The following BCAS4 variants were observed in gnomAD, a reference collection of about 807,000 sequenced individuals.
BCAS4 encodes breast carcinoma amplified sequence 4.
In BCAS4, 9 loss-of-function variants were observed where a neutral mutation model predicts 15.7. The ratio of observed to expected loss-of-function variants is 0.57; its 90% CI spans 0.34 to 1.00. BCAS4 has a LOEUF of 1.00. Ranked by LOEUF, BCAS4 falls within the 50% of genes least tolerant of loss-of-function variation. BCAS4 has a pLI of 0.02. For missense variants in BCAS4, 225 were observed against 239.1 expected (o/e 0.94, Z 0.39); for synonymous variants, 101 against 99.5 (o/e 1.02, Z -0.09).
At chr20:50,840,052 T>G (rs1357569265) in intron 3 of BCAS4, among the ~76,000 whole-genome samples, 1 of 152,022 alleles carries the variant, frequency 6.6e-6, no homozygotes, top group South Asian at 2.1e-4. Context: ...TTTTTCAATT[T>G]TTTGTAGAGA....
At chr20:50,864,369 G>A (rs1256282192) in intron 4 of BCAS4, among the ~76,000 whole-genome samples, 1 of 151,892 alleles carries the variant, frequency 6.6e-6, no homozygotes, top group Non-Finnish European at 1.5e-5. Context: ...CCCTGCAGAG[G>A]ATTGTTGTGT....
chr20:50,852,477 G>A (rs1011121637), intron 4 of BCAS4, among the ~76,000 whole-genome samples: 3 of 152,090 alleles, frequency 2.0e-5, no homozygotes, highest in Admixed American at 6.6e-5. Context: ...TTCCTCCCAC[G>A]CTCAAGCAGT....
At chr20:50,856,582 C>T (rs1019547084) in intron 4 of BCAS4, among the ~76,000 whole-genome samples, 6 of 152,246 alleles carry the variant, frequency 3.9e-5, no homozygotes, top group African/African-American at 1.4e-4. Flanking sequence ...CTTCCAGCCT[C>T]CTTGTCCCTT....
intron 3 of BCAS4, among the ~76,000 whole-genome samples, chr20:50,841,373 A>G (rs1360991689): frequency 6.6e-6 from 1 of 152,238 alleles, no homozygotes; most frequent in Admixed American, 6.5e-5. Flanking sequence ...GGCTATTTCT[A>G]TAAAATCAAC....
intron 4 of BCAS4, among the ~76,000 whole-genome samples, chr20:50,874,693 T>G (rs1266628274): frequency 6.6e-6 from 1 of 151,800 alleles, no homozygotes; most frequent in Admixed American, 6.6e-5. Flanking sequence ...AACTCCTGAG[T>G]CTTGATCTCC....
downstream of BCAS4, chr20:50,879,668 GA>G (rs1467277598): frequency 6.6e-6 from 1 of 152,242 alleles, no homozygotes; most frequent in East Asian, 1.9e-4. Context: ...GGGAGAGTTG[GA>G]AGGAAATCCC....
intron 2 of BCAS4, among the ~76,000 whole-genome samples, chr20:50,819,054 G>A (rs537070877): frequency 6.6e-6 from 1 of 152,114 alleles, no homozygotes; most frequent in Admixed American, 6.5e-5. Flanking sequence ...GTGGTGGCAG[G>A]CGCCTGTAAT....
intron 1 of BCAS4, among the ~76,000 whole-genome samples, chr20:50,812,002 G>A (rs1287305227): frequency 6.6e-6 from 1 of 152,176 alleles, no homozygotes; most frequent in Non-Finnish European, 1.5e-5. Context: ...ATGTTTTCAA[G>A]GATCATCCAT....
intron 4 of BCAS4, among the ~76,000 whole-genome samples, chr20:50,866,922 A>G (rs1037555789): frequency 3.3e-5 from 5 of 152,102 alleles, no homozygotes; most frequent in African/African-American, 1.2e-4. Flanking sequence ...GTGACCTTTC[A>G]GGTCCCATCG....
chr20:50,842,937 C>T (rs1057017737), intron 4 of BCAS4, among the ~76,000 whole-genome samples: 3 of 152,154 alleles, frequency 2.0e-5, no homozygotes, highest in Non-Finnish European at 4.4e-5. Flanking sequence ...ACCTTATCTC[C>T]ACTTTATCAC....
Position 50,854,986 on chromosome 20 carries a change from G to A in BCAS4, c.399+13086G>A, listed in dbSNP as rs7266418. 3.4e-3 allele frequency among the ~76,000 whole-genome samples: 520 copies of A among 152,334 alleles called. 5 individuals are homozygous for A. The highest frequency in any genetic ancestry group is 0.011 in the African/African-American group (464 of 41,582). On this transcript the variant is annotated intron_variant, in intron 4 of 4. Coordinates refer to ENST00000371608, the MANE Select transcript of BCAS4 (RefSeq NM_198799.4). ...TCCACACTGCTCATGCCAGGAGCAC[G>A]CCGGTGCTCAGGGGTGGCCGGGTTC...
At chr20:50,846,935 C>CA (rs931350597) in intron 4 of BCAS4, among the ~76,000 whole-genome samples, 46 of 150,216 alleles carry the variant, frequency 3.1e-4, no homozygotes, top group Admixed American at 4.0e-4. Context: ...CTTTAAAGTT[C>CA]AAAAAAAAAT....
At chr20:50,833,659 A>G (rs74861176) in intron 3 of BCAS4, among the ~76,000 whole-genome samples, 5,012 of 152,264 alleles carry the variant, frequency 0.033, 304 homozygotes, top group African/African-American at 0.11. Flanking sequence ...GACCTCCAGA[A>G]AATTCTGAGC....
intron 3 of BCAS4, among the ~76,000 whole-genome samples, chr20:50,832,145 G>A (rs908911340): frequency 1.3e-5 from 2 of 152,020 alleles, no homozygotes; most frequent in South Asian, 2.1e-4. Flanking sequence ...GCCTCCTATC[G>A]CTGCTGGGAG....
intron 2 of BCAS4, among the ~76,000 whole-genome samples, chr20:50,825,875 C>CA (rs1472137386): frequency 1.3e-5 from 2 of 151,300 alleles, no homozygotes; most frequent in South Asian, 2.1e-4. Flanking sequence ...AGACTTGTCT[C>CA]AAAAAAACAA....
At chr20:50,815,572 G>C (rs1450895566) in intron 1 of BCAS4, among the ~76,000 whole-genome samples, 1 of 152,170 alleles carries the variant, frequency 6.6e-6, no homozygotes, top group Non-Finnish European at 1.5e-5. Flanking sequence ...GTTGGGTGGG[G>C]GAATGATCTT....
intron 3 of BCAS4, among the ~76,000 whole-genome samples, chr20:50,835,843 AG>A (rs934529288): frequency 4.6e-5 from 7 of 152,140 alleles, no homozygotes; most frequent in African/African-American, 1.7e-4. Flanking sequence ...CTCCATTAAA[AG>A]GGGGGAGTCC....
chr20:50,873,462 C>G (rs1397366071), intron 4 of BCAS4, among the ~76,000 whole-genome samples: 1 of 152,192 alleles, frequency 6.6e-6, no homozygotes, highest in Non-Finnish European at 1.5e-5. Context: ...AGTCATGTGT[C>G]AGGATGAGAG....
intron 1 of BCAS4, among the ~76,000 whole-genome samples, chr20:50,811,705 C>A (rs2088065244): frequency 1.3e-5 from 2 of 152,230 alleles, no homozygotes; most frequent in Non-Finnish European, 2.9e-5. Flanking sequence ...TTACTGCAAC[C>A]TCCAGCTCCA....
Sources: gnomAD v4.1 joint callset for allele counts (sites outside exome capture counted in the v4.1 genomes callset) on GRCh38, gnomAD v4.1.1 for gene constraint, MANE v1.5 for transcripts, NCBI Gene and HGNC (gene_info 2026-07-23, HGNC 2026-07-21) for gene names.